The following VDR variants were observed in gnomAD, a reference collection of about 807,000 sequenced individuals.
The protein encoded by VDR is vitamin D3 receptor.
A neutral mutation model predicts 39.7 loss-of-function variants in VDR; 19 were observed. The observed-to-expected ratio is 0.48, with a 90% CI of 0.33 to 0.70. The LOEUF is 0.70. Ranked by LOEUF, VDR falls within the 30% of genes least tolerant of loss-of-function variation. VDR has a pLI of 0.02. For synonymous variants in VDR, 242 were observed against 215.8 expected (o/e 1.12, Z -1.07); for missense variants, 442 against 570.5 (o/e 0.77, Z 2.29).
chr12:47,872,029 T>C (rs981483508), intron 3 of VDR, among the ~76,000 whole-genome samples: 10 of 152,254 alleles, frequency 6.6e-5, no homozygotes, highest in Admixed American at 5.2e-4. Context: ...TTGGGTTGAA[T>C]AGGTGATTTA....
chr12:47,904,855 C>T (rs1470700720), intron 1 of VDR, 100 bp downstream of exon 1: 1 of 386,860 alleles, frequency 2.6e-6, no homozygotes, highest in Non-Finnish European at 4.7e-6. Flanking sequence ...GACTTAGACT[C>T]TAATGCTCGC....
At position 47,877,658 on chromosome 12, in the gene VDR, G is replaced by A. The variant is rs1361549214; in HGVS notation, c.146+1310C>T. Among the ~76,000 whole-genome samples, 12 of 152,244 alleles carry A rather than the reference G, an allele frequency of 7.9e-5. 1 individual carries two copies. The highest frequency in any genetic ancestry group is 4.1e-4 in the South Asian group (2 of 4,826). The stretch of plus-strand genomic sequence containing the variant: ...ACTCAAGGCAGCCCCCCAAGTTAGA[G>A]GACCTGGCAGGAAAGGGTCCATGTG... On this transcript the variant is annotated intron_variant, in intron 3 of 9. Transcript: ENST00000549336.
In VDR at chr12:47,843,744, T is replaced by C. The variant is rs1051599924; in HGVS notation, c.*1002A>G. On this transcript the variant is annotated 3_prime_UTR_variant, in exon 10 of 10. Coordinates refer to ENST00000549336, the MANE Select transcript of VDR (RefSeq NM_000376.3). ...GTGAACAGCGGCCTTGCAACCACAT[T>C]GAGGCGGCAGGGAGATCATGACTCA... 2.0e-5 allele frequency: 3 copies of C among 152,244 alleles called. No individual in the cohort carries two copies. Among genetic ancestry groups the C allele is most frequent in the African/African-American group, 7.2e-5 (3 of 41,420 alleles). The allele number at this position is 152,244 out of a possible 1,614,324, so 9.4% of individuals were successfully genotyped here.
intron 1 of VDR, among the ~76,000 whole-genome samples, chr12:47,888,701 T>C (rs961135152): frequency 6.6e-6 from 1 of 152,028 alleles, no homozygotes; most frequent in African/African-American, 2.4e-5. Context: ...GTTTTACAAC[T>C]GAAGAAACGG....
intron 1 of VDR, among the ~76,000 whole-genome samples, chr12:47,897,699 C>G (rs113711365): frequency 4.9e-4 from 75 of 152,278 alleles, no homozygotes; most frequent in Non-Finnish European, 9.9e-4. Context: ...GCATTTGGCT[C>G]CTTTCCCCAT....
In VDR at chr12:47,848,106, G is replaced by T. The variant is rs141021623; in HGVS notation, c.756-1298C>A. On this transcript the variant is annotated intron_variant, in intron 7 of 9. Coordinates refer to ENST00000549336, the MANE Select transcript of VDR (RefSeq NM_000376.3). The stretch of plus-strand genomic sequence containing the variant: ...TTTAGTAGAGACGAGGTTTCACAGT[G>T]TTAGCCAGGATGGTCTCGATCTCCT... 3.6e-3 allele frequency among the ~76,000 whole-genome samples: 549 copies of T among 152,268 alleles called. 2 individuals are homozygous for T. Among genetic ancestry groups the T allele is most frequent in the African/African-American group, 0.012 (516 of 41,536 alleles).
At chr12:47,901,634 C>T (rs1270932374) in intron 1 of VDR, 1 of 153,446 alleles carries the variant, frequency 6.5e-6, no homozygotes, top group Non-Finnish European at 1.5e-5. Flanking sequence ...GGCTGCTTAC[C>T]TGCTTTACAG....
At chr12:47,880,575 A>G (rs2137207188) in intron 2 of VDR, among the ~76,000 whole-genome samples, 1 of 152,302 alleles carries the variant, frequency 6.6e-6, no homozygotes. Context: ...GATAAGCAAG[A>G]ATATGTTATC....
At chr12:47,860,245 C>A (rs1416363853) in intron 4 of VDR, among the ~76,000 whole-genome samples, 1 of 152,126 alleles carries the variant, frequency 6.6e-6, no homozygotes, top group African/African-American at 2.4e-5. Context: ...GGATTACAGG[C>A]GTGAGCTACC....
rs765803294 is a variant in VDR, at chr12:47,892,530, G to A, written c.-83-9756C>T. Among the ~76,000 whole-genome samples the A allele has an allele frequency of 3.3e-5, 5 of 152,330 alleles. No individual in the cohort carries two copies. In the East Asian group the frequency reaches 7.7e-4, roughly 23 times the overall value. Reference sequence around the variant, plus strand: ...TGGAGGGCCAGGGATAGGATGTGGCGGCATTTCTTCTTGGCCTCACACTGT... The same window carrying A: ...TGGAGGGCCAGGGATAGGATGTGGCAGCATTTCTTCTTGGCCTCACACTGT... On this transcript the variant is annotated intron_variant, in intron 1 of 9. Coordinates refer to ENST00000549336, the MANE Select transcript of VDR (RefSeq NM_000376.3).
At chr12:47,859,645 T>C (rs1945565777) in intron 4 of VDR, among the ~76,000 whole-genome samples, 1 of 152,234 alleles carries the variant, frequency 6.6e-6, no homozygotes, top group Admixed American at 6.5e-5. Context: ...TTCCTATGCC[T>C]GCTACATATT....
intron 3 of VDR, among the ~76,000 whole-genome samples, chr12:47,878,313 G>A (rs887159674): frequency 6.6e-6 from 1 of 152,134 alleles, no homozygotes; most frequent in African/African-American, 2.4e-5. Context: ...GGCTTTGAAT[G>A]GGAACCTCCA....
rs1946049568 is a variant in VDR, at chr12:47,878,312, T to C, written c.146+656A>G. ...CCCACGCTCCCACCCTGGCTTTGAA[T>C]GGGAACCTCCAGTGCTTTTCCCACA... On this transcript the variant is annotated intron_variant, in intron 3 of 9. Transcript: ENST00000549336. Among the ~76,000 whole-genome samples the C allele has an allele frequency of 2.6e-5, 4 of 152,322 alleles. No homozygotes were observed. In the South Asian group the frequency reaches 8.3e-4, roughly 32 times the overall value.
intron 7 of VDR, among the ~76,000 whole-genome samples, chr12:47,851,802 A>T (rs551803112): frequency 1.6e-3 from 241 of 152,290 alleles, no homozygotes; most frequent in Non-Finnish European, 2.7e-3. Flanking sequence ...GGGACTTCTC[A>T]AGTCATACTG....
chr12:47,857,157 G>A lies in VDR; in HGVS notation c.555C>T (p.Ser185=). The part of the protein sequence containing the change: ...TPSFSGDSSS[S]CSDHCITSSD... Reference sequence around the variant, plus strand: ...AAGAGGTGATACAGTGATCTGAGCAGGAGGAGGAGGAGTCCCCAGAGAAGC... The same window carrying A: ...AAGAGGTGATACAGTGATCTGAGCAAGAGGAGGAGGAGTCCCCAGAGAAGC... The change falls in exon 6 of 10, where the codon TCC becomes TCT. Residue 185 remains serine, a synonymous_variant. Coordinates refer to ENST00000549336, the MANE Select transcript of VDR (RefSeq NM_000376.3). 6.2e-7 allele frequency: 1 copy of A among 1,613,410 alleles called. No homozygotes were observed. Among genetic ancestry groups the A allele is most frequent in the Non-Finnish European group, 8.5e-7 (1 of 1,179,568 alleles).
intron 3 of VDR, among the ~76,000 whole-genome samples, chr12:47,867,113 T>A (rs1945752567): frequency 6.6e-6 from 1 of 152,028 alleles, no homozygotes; most frequent in Non-Finnish European, 1.5e-5. Context: ...CCCAGCACTT[T>A]GAGAGGCCGA....
At chr12:47,867,869 C>T (rs921489908) in intron 3 of VDR, among the ~76,000 whole-genome samples, 3 of 152,144 alleles carry the variant, frequency 2.0e-5, no homozygotes, top group African/African-American at 7.2e-5. Flanking sequence ...TGAGGGGAAT[C>T]GCACTCATCA....
At chr12:47,878,494 G>C (rs1165151011) in intron 3 of VDR, among the ~76,000 whole-genome samples, 1 of 152,206 alleles carries the variant, frequency 6.6e-6, no homozygotes, top group African/African-American at 2.4e-5. Context: ...TGAAGATATG[G>C]GTACAGATCG....
chr12:47,859,940 T>C (rs1268226925), intron 4 of VDR, among the ~76,000 whole-genome samples: 10 of 135,972 alleles, frequency 7.4e-5, no homozygotes, highest in East Asian at 4.1e-4. Flanking sequence ...TCTTTCTTTC[T>C]TTCTTTCTTT....
Sources: allele counts gnomAD v4.1 joint callset (sites outside exome capture counted in the v4.1 genomes callset), GRCh38; gene constraint gnomAD v4.1.1; transcripts MANE v1.5; gene names NCBI Gene and HGNC (gene_info 2026-07-23, HGNC 2026-07-21).